Variants in TMEM64 observed in about 807,000 individuals in gnomAD.
The protein encoded by TMEM64 is transmembrane protein 64.
In TMEM64, 19 loss-of-function variants were observed where a neutral mutation model predicts 24.5. The ratio of observed to expected loss-of-function variants is 0.78; its 90% CI spans 0.54 to 1.14. The LOEUF is 1.14. TMEM64 is among the 50% of genes most tolerant of loss of function. TMEM64 has a pLI of 0.00. For synonymous variants in TMEM64, 262 were observed against 224.7 expected (o/e 1.17, Z -1.49); for missense variants, 487 against 493.0 (o/e 0.99, Z 0.12).
chr8:90,638,377 G>C (rs1031360874), intron 1 of TMEM64, among the ~76,000 whole-genome samples: 1 of 152,038 alleles, frequency 6.6e-6, no homozygotes, highest in Non-Finnish European at 1.5e-5. Context: ...CATTTACTCC[G>C]AAAACTCCTA....
At chr8:90,629,469 GA>G (rs1173134951) in intron 2 of TMEM64, among the ~76,000 whole-genome samples, 6 of 151,636 alleles carry the variant, frequency 4.0e-5, no homozygotes, top group Non-Finnish European at 7.4e-5. Flanking sequence ...AAGTCAAAGG[GA>G]AAAAAATGTT....
intron 1 of TMEM64, among the ~76,000 whole-genome samples, chr8:90,643,337 T>C (rs973870990): frequency 1.3e-5 from 2 of 152,216 alleles, no homozygotes; most frequent in African/African-American, 2.4e-5. Context: ...TCTCATGTAA[T>C]CTTCTCAATA....
chr8:90,626,010 A>G, intron 2 of TMEM64, 148 bp from the exon 3 acceptor site: 3 of 623,796 alleles, frequency 4.8e-6, no homozygotes. Context: ...AATAGTTTAC[A>G]CACAGTTATT....
intron 1 of TMEM64, among the ~76,000 whole-genome samples, chr8:90,638,042 C>T (rs1211906596): frequency 6.6e-6 from 1 of 152,112 alleles, no homozygotes; most frequent in Non-Finnish European, 1.5e-5. Context: ...ATCTATCCAC[C>T]GTCTGGGCCT....
In TMEM64 at chr8:90,626,209, C is replaced by T. The variant is rs187488742; in HGVS notation, c.952-347G>A. Among the ~76,000 whole-genome samples the T allele has an allele frequency of 2.0e-5, 3 of 152,280 alleles. No individual in the cohort carries two copies. The East Asian group carries it at 5.8e-4, about 29-fold the overall frequency. On this transcript the variant is annotated intron_variant, in intron 2 of 2. Coordinates refer to ENST00000458549, the MANE Select transcript of TMEM64 (RefSeq NM_001008495.4). Reference sequence around the variant, plus strand: ...ACAATAGAGGTAACAGCTGGCTAAACTTTGTTGGTATAATTAATGTAGTAT... The same window carrying T: ...ACAATAGAGGTAACAGCTGGCTAAATTTTGTTGGTATAATTAATGTAGTAT...
In TMEM64 at chr8:90,631,521, A is replaced by C. The variant is rs528386308; in HGVS notation, c.951+31T>G. On this transcript the variant is annotated intron_variant, in intron 2 of 2. Transcript: ENST00000458549. Reference sequence around the variant, plus strand: ...GCCATACAAAAAGAAACAGAGAGAAAAAAAGAGACAACCCTTGGCCTTAAA... The same window carrying C: ...GCCATACAAAAAGAAACAGAGAGAACAAAAGAGACAACCCTTGGCCTTAAA... The C allele has an allele frequency of 2.4e-5, 35 of 1,468,392 alleles. No individual in the cohort carries two copies. The South Asian group carries it at 4.6e-4, about 19-fold the overall frequency. 91.0% of individuals were successfully genotyped at this position (1,468,392 alleles called of 1,614,324 possible).
chr8:90,645,035 A>C lies in TMEM64; in HGVS notation c.795+76T>G. ...TTCTCTGCTGGTATTTATCTGATAGAGCGCCCTCCTAGGGCCGCCACAAGA... is the reference window on the plus strand; with the variant it reads ...TTCTCTGCTGGTATTTATCTGATAGCGCGCCCTCCTAGGGCCGCCACAAGA... On this transcript the variant is annotated intron_variant, in intron 1 of 2. Coordinates refer to ENST00000458549, the MANE Select transcript of TMEM64 (RefSeq NM_001008495.4). This position sits in a 1 kb window ranked among gnomAD's most constrained non-coding sequence, Gnocchi z 4.2. The C allele has an allele frequency of 6.9e-7, 1 of 1,441,912 alleles. No individual in the cohort carries two copies. Among genetic ancestry groups the C allele is most frequent in the Non-Finnish European group, 9.4e-7 (1 of 1,061,180 alleles). The allele number at this position is 1,441,912 out of a possible 1,614,324, so 89.3% of individuals were successfully genotyped here.
intron 2 of TMEM64, among the ~76,000 whole-genome samples, chr8:90,629,478 G>T (rs1412613168): frequency 6.6e-6 from 1 of 151,982 alleles, no homozygotes; most frequent in African/African-American, 2.4e-5. Context: ...GGAAAAAAAT[G>T]TTACAAATAG....
chr8:90,626,924 G>A (rs1374213894), intron 2 of TMEM64, among the ~76,000 whole-genome samples: 1 of 152,054 alleles, frequency 6.6e-6, no homozygotes, highest in Non-Finnish European at 1.5e-5. Context: ...CACAGTGCCC[G>A]GCCAACTTTA....
At chr8:90,634,816 T>C (rs1809491275) in intron 1 of TMEM64, among the ~76,000 whole-genome samples, 1 of 152,196 alleles carries the variant, frequency 6.6e-6, no homozygotes, top group Non-Finnish European at 1.5e-5. Context: ...CTGGCCACTA[T>C]ATTAAACTTT....
At chr8:90,637,855 A>G (rs915351467) in intron 1 of TMEM64, among the ~76,000 whole-genome samples, 1 of 152,190 alleles carries the variant, frequency 6.6e-6, no homozygotes, top group African/African-American at 2.4e-5. Context: ...CAGTTTCAAG[A>G]AAAACATTAA....
In TMEM64 at chr8:90,645,569, A is replaced by T. The variant is rs754263601; in HGVS notation, c.337T>A (p.Cys113Ser). Residue 113 changes from cysteine to serine, a missense_variant, in exon 1 of 3, where the codon TGC becomes AGC. Transcript: ENST00000458549. This position sits in a 1 kb window ranked among gnomAD's most constrained non-coding sequence, Gnocchi z 4.2. ...CGGCACCAACAGGTGCTGCCGAGGCAGCAGCAGCGCCAGTTTCTCACCTCA... is the reference window on the plus strand; with the variant it reads ...CGGCACCAACAGGTGCTGCCGAGGCTGCAGCAGCGCCAGTTTCTCACCTCA... Reference protein sequence around the residue: ...VAEVRNWRCCCLGSTCWCRSL... With the variant: ...VAEVRNWRCCSLGSTCWCRSL... 2 of 1,544,466 alleles carry T rather than the reference A, an allele frequency of 1.3e-6. No individual in the cohort carries two copies. Among genetic ancestry groups the T allele is most frequent in the South Asian group, 2.4e-5 (2 of 84,020 alleles).
intron 1 of TMEM64, among the ~76,000 whole-genome samples, chr8:90,641,442 T>A (rs1473620312): frequency 6.6e-6 from 1 of 152,226 alleles, no homozygotes; most frequent in Non-Finnish European, 1.5e-5. Flanking sequence ...TGTGGTTTTC[T>A]GACCCCTGCT....
intron 1 of TMEM64, among the ~76,000 whole-genome samples, chr8:90,643,451 C>T (rs1431255384): frequency 6.6e-6 from 1 of 152,186 alleles, no homozygotes. Flanking sequence ...TCTAAGCAGA[C>T]AGCAGGATTT....
In TMEM64 at chr8:90,625,805, T is replaced by G. The variant is rs781767993; in HGVS notation, c.1009A>C (p.Asn337His). ...YVVHRAQVELNAAIVACEMEL... is the reference protein window; with the variant it reads ...YVVHRAQVELHAAIVACEMEL... ...ATTTCACAAGCTACAATAGCTGCAT[T>G]CAATTCCACTTGAGCTCGATGAACT... Residue 337 changes from asparagine (N) to histidine (H), a missense_variant, in exon 3 of 3, where the codon AAT (asparagine) becomes CAT (histidine). Physicochemically the swap from Asn to His is moderately conservative, Grantham distance 68. Around this residue, in one of 3 missense-constraint regions of TMEM64, gnomAD observed 58 missense variants for 58.2 expected, o/e 1.00. Transcript: ENST00000458549. 1 of 1,613,950 alleles carries G rather than the reference T, an allele frequency of 6.2e-7. No individual in the cohort carries two copies. Among genetic ancestry groups the G allele is most frequent in the Non-Finnish European group, 8.5e-7 (1 of 1,179,906 alleles).
In TMEM64 at chr8:90,645,957, C is replaced by T; in HGVS notation, c.-52G>A. Reference sequence around the variant, plus strand: ...CGGCCAGCCCCTCCGCCGCGGCGCCCGTTAGGCAGCTGCCCTTCATGGCGC... The same window carrying T: ...CGGCCAGCCCCTCCGCCGCGGCGCCTGTTAGGCAGCTGCCCTTCATGGCGC... On this transcript the variant is annotated 5_prime_UTR_variant, in exon 1 of 3. Transcript: ENST00000458549. This position sits in a 1 kb window ranked among gnomAD's most constrained non-coding sequence, Gnocchi z 4.2. 9.8e-7 allele frequency: 1 copy of T among 1,024,464 alleles called. No individual in the cohort carries two copies. Among genetic ancestry groups the T allele is most frequent in the Non-Finnish European group, 1.2e-6 (1 of 832,146 alleles). The allele number at this position is 1,024,464 out of a possible 1,614,324, so 63.5% of individuals were successfully genotyped here.
chr8:90,644,909 C>G (rs972793402), intron 1 of TMEM64, among the ~76,000 whole-genome samples: 3 of 152,070 alleles, frequency 2.0e-5, no homozygotes, highest in Non-Finnish European at 4.4e-5. Flanking sequence ...TTTTATCTAA[C>G]AAACTCTCTT....
chr8:90,642,773 C>T (rs2130511404), intron 1 of TMEM64, among the ~76,000 whole-genome samples: 1 of 152,260 alleles, frequency 6.6e-6, no homozygotes, highest in Admixed American at 6.5e-5. Flanking sequence ...CAAAATTTTA[C>T]AGTAAGATGC....
Position 90,645,792 on chromosome 8 carries a change from G to C in TMEM64, c.114C>G (p.Gly38=). ...PARWALPRGA[G]GDGPADRLPR... The stretch of plus-strand genomic sequence containing the variant: ...GAAGGCGGTCCGCCGGGCCGTCCCC[G>C]CCCGCACCCCGCGGCAGGGCCCAGC... Residue 38 remains glycine (G), a synonymous_variant, in exon 1 of 3, where the codon GGC becomes GGG. Coordinates refer to ENST00000458549, the MANE Select transcript of TMEM64 (RefSeq NM_001008495.4). The surrounding 1 kb of genome is among the most constrained non-coding windows in gnomAD (Gnocchi z 4.2). 1 of 1,019,908 alleles carries C rather than the reference G, an allele frequency of 9.8e-7. No individual in the cohort carries two copies. Among genetic ancestry groups the C allele is most frequent in the Non-Finnish European group, 1.2e-6 (1 of 854,376 alleles). 63.2% of individuals were successfully genotyped at this position (1,019,908 alleles called of 1,614,324 possible).
Sources: gnomAD v4.1 joint callset for allele counts (sites outside exome capture counted in the v4.1 genomes callset) on GRCh38, gnomAD v4.1.1 for gene constraint, gnomAD v4.1.1 regional missense constraint, Gnocchi (gnomAD v3.1) non-coding constraint, MANE v1.5 for transcripts, NCBI Gene and HGNC (gene_info 2026-07-23, HGNC 2026-07-21) for gene names.